The following NDP variants were observed in gnomAD, a reference collection of about 807,000 sequenced individuals.
NDP encodes the protein norrin.
Under a neutral mutation model 8.4 loss-of-function variants are expected in NDP, and 2 were observed. That is an observed-to-expected ratio of 0.24 (90% CI 0.10 to 0.75). The LOEUF (loss-of-function observed/expected upper bound fraction) is 0.75, where lower values mean the gene tolerates loss of function less well. NDP is among the 30% of genes least tolerant of loss of function. The pLI is 0.73. For missense variants in NDP, 81 were observed against 110.1 expected (o/e 0.74, Z 1.18); for synonymous variants, 55 against 45.6 (o/e 1.21, Z -0.83).
At chrX:43,972,257 GATGGGAGTCTGCCTCTC>G (rs1437478055) in intron 1 of NDP, among the ~76,000 whole-genome samples, 1 of 111,481 alleles carries the variant, frequency 9.0e-6, no homozygotes. Flanking sequence ...TCTCAGTAAA[GATGGGAGTCTGCCTCTC>G]ATGGAGGCTT....
chrX:43,969,055 G>A (rs1045883919), intron 1 of NDP, among the ~76,000 whole-genome samples: 1 of 111,592 alleles, frequency 9.0e-6, no homozygotes, highest in Non-Finnish European at 1.9e-5. Context: ...GATGTCACAG[G>A]GAGGTTTACA....
intron 1 of NDP, among the ~76,000 whole-genome samples, chrX:43,965,771 T>C (rs1410991051): frequency 8.9e-6 from 1 of 111,857 alleles, no homozygotes; most frequent in Non-Finnish European, 1.9e-5. Context: ...ATTAGAAAAG[T>C]TGTCTTCTCT....
At chrX:43,954,574 C>G (rs1393808964) in intron 2 of NDP, 2 of 111,064 alleles carry the variant, frequency 1.8e-5, no homozygotes, top group Admixed American at 1.9e-4. Flanking sequence ...AAATTTGTTC[C>G]TTTTAAAAAA....
At chrX:43,963,255 G>A (rs1409814056) in intron 1 of NDP, among the ~76,000 whole-genome samples, 1 of 111,778 alleles carries the variant, frequency 8.9e-6, no homozygotes, top group Non-Finnish European at 1.9e-5. Context: ...TAAGAGATAG[G>A]GTCAGGGGAA....
chrX:43,962,538 T>C (rs1409836964), intron 1 of NDP, among the ~76,000 whole-genome samples: 1 of 111,758 alleles, frequency 8.9e-6, no homozygotes, highest in East Asian at 2.8e-4. Context: ...TTGTAGCAGC[T>C]TCTGTTGTTT....
chrX:43,961,655 T>A (rs991375831), intron 1 of NDP, among the ~76,000 whole-genome samples: 5 of 112,441 alleles, frequency 4.4e-5, no homozygotes, highest in Middle Eastern at 4.6e-3. Flanking sequence ...CTTGTGAATG[T>A]ATACTTTATT....
chrX:43,962,462 T>C (rs1268112345), intron 1 of NDP, among the ~76,000 whole-genome samples: 1 of 111,059 alleles, frequency 9.0e-6, no homozygotes, highest in Non-Finnish European at 1.9e-5. Context: ...AAGAGGAAAA[T>C]CAGGAATTAA....
Position 43,967,942 on chromosome X carries a change from G to GA in NDP, c.-208+5361dup, listed in dbSNP as rs1186476535. Among the ~76,000 whole-genome samples, 49 of 104,880 alleles carry GA rather than the reference G, an allele frequency of 4.7e-4. 1 individual carries two copies. The highest frequency in any genetic ancestry group is 1.4e-3 in the African/African-American group (41 of 28,891). The allele number at this position is 104,880 out of a possible 115,157, so 91.1% of individuals were successfully genotyped here. On this transcript the variant is annotated intron_variant, in intron 1 of 2. Transcript: ENST00000642620. ...GTCTGAAAAATTCTTAGCTTTTGTGGAAAAAAAAAAGAAAAAAGAAAAGAC... is the reference window on the plus strand; with the variant it reads ...GTCTGAAAAATTCTTAGCTTTTGTGGAAAAAAAAAAAGAAAAAAGAAAAGAC...
At chrX:43,965,028 T>C (rs192472243) in intron 1 of NDP, among the ~76,000 whole-genome samples, 347 of 112,567 alleles carry the variant, frequency 3.1e-3, no homozygotes, top group African/African-American at 0.011. Context: ...TGAAGCTATA[T>C]TGGTGGCCTG....
In NDP at chrX:43,958,542, T is replaced by C; in HGVS notation, c.104A>G (p.Asp35Gly). The C allele has an allele frequency of 8.3e-7, 1 of 1,211,322 alleles. No individual in the cohort carries two copies. Among genetic ancestry groups the C allele is most frequent in the African/African-American group, 1.7e-5 (1 of 57,863 alleles). The change falls in exon 2 of 3, where the codon GAC (aspartate) becomes GGC (glycine). Residue 35 changes from aspartate to glycine, a missense_variant. By Grantham distance (94) the Asp-to-Gly change is moderately conservative (BLOSUM62 -1). Transcript: ENST00000642620. ...GTGGTGCCTCATGCAGCGTCGAGGG[T>C]CCGAGTCCATTATGAATGAGCTGTC... The part of the protein sequence containing the change: ...KTDSSFIMDS[D>G]PRRCMRHHYV...
At chrX:43,969,030 G>C (rs994115819) in intron 1 of NDP, among the ~76,000 whole-genome samples, 2 of 111,801 alleles carry the variant, frequency 1.8e-5, no homozygotes, top group African/African-American at 6.5e-5. Flanking sequence ...AGGGACATTA[G>C]CAGCATCTTT....
At chrX:43,953,863 T>C (rs2035776535) in intron 2 of NDP, among the ~76,000 whole-genome samples, 1 of 112,780 alleles carries the variant, frequency 8.9e-6, no homozygotes. Context: ...CTTATCTACA[T>C]TGATTTGCCT....
intron 2 of NDP, among the ~76,000 whole-genome samples, chrX:43,953,074 C>CTGGATTT (rs1312664905): frequency 9.1e-6 from 1 of 109,367 alleles, no homozygotes; most frequent in African/African-American, 3.4e-5. Context: ...AATTCAAATG[C>CTGGATTT]TCTTTCCTGG....
intron 1 of NDP, among the ~76,000 whole-genome samples, chrX:43,968,300 G>A (rs1249542682): frequency 3.6e-5 from 4 of 112,232 alleles, no homozygotes; most frequent in African/African-American, 1.3e-4. Flanking sequence ...CACATGAATG[G>A]TGACAAGCAA....
Position 43,973,367 on chromosome X carries a change from A to C in NDP, c.-271T>G, listed in dbSNP as rs183318308. The C allele has an allele frequency of 9.0e-6, 1 of 110,857 alleles. No homozygotes were observed. Among genetic ancestry groups the C allele is most frequent in the Admixed American group, 9.6e-5 (1 of 10,436 alleles). 9.1% of individuals were successfully genotyped at this position (110,857 alleles called of 1,213,427 possible). On this transcript the variant is annotated 5_prime_UTR_variant, in exon 1 of 3. Coordinates refer to ENST00000642620, the MANE Select transcript of NDP (RefSeq NM_000266.4). ...CTGAGAGCTAGAAAGAGGTCCTGTT[A>C]CTTCCAAATGCTTTTGTTCTTCTGT...
intron 2 of NDP, among the ~76,000 whole-genome samples, chrX:43,956,692 CTA>C (rs779270653): frequency 8.9e-6 from 1 of 112,143 alleles, no homozygotes; most frequent in Non-Finnish European, 1.9e-5. Flanking sequence ...TTACATAAAA[CTA>C]TTGCTATATT....
chrX:43,970,865 A>G (rs1292520647), intron 1 of NDP, among the ~76,000 whole-genome samples: 1 of 111,991 alleles, frequency 8.9e-6, no homozygotes. Flanking sequence ...GAGAGCAGAG[A>G]AAGGATAAAC....
chrX:43,963,287 T>C (rs1367481281), intron 1 of NDP, among the ~76,000 whole-genome samples: 1 of 111,913 alleles, frequency 8.9e-6, no homozygotes, highest in Non-Finnish European at 1.9e-5. Context: ...CTATCCTCGA[T>C]CCCTCTTCTA....
In NDP at chrX:43,949,107, T is replaced by G. The variant is rs1265382316; in HGVS notation, c.*692A>C. On this transcript the variant is annotated 3_prime_UTR_variant, in exon 3 of 3. Transcript: ENST00000642620. ...TAAAAGTCTGCTCCCTTACAAAATT[T>G]TACCATAATTTATCTGAGACAGCCT... 2 of 113,392 alleles carry G rather than the reference T, an allele frequency of 1.8e-5. No individual in the cohort carries two copies. The highest frequency in any genetic ancestry group is 1.8e-4 in the Admixed American group (2 of 10,884). 9.3% of individuals were successfully genotyped at this position (113,392 alleles called of 1,213,427 possible). A position where few individuals can be genotyped will look rare whatever the true frequency, so the allele number is the denominator to read the frequency against.
Sources: gnomAD v4.1 joint callset for allele counts (sites outside exome capture counted in the v4.1 genomes callset) on GRCh38, gnomAD v4.1.1 for gene constraint, MANE v1.5 for transcripts, NCBI Gene and HGNC (gene_info 2026-07-23, HGNC 2026-07-21) for gene names.